The following PEX14 variants were observed in gnomAD, a reference collection of about 807,000 sequenced individuals.
The protein encoded by PEX14 is peroxisomal biogenesis factor 14.
A neutral mutation model predicts 49.5 loss-of-function variants in PEX14; 15 were observed. That is an observed-to-expected ratio of 0.30 (90% CI 0.20 to 0.47). The LOEUF is 0.47. Among genes scored for constraint, PEX14 ranks in the 20% least tolerant of loss-of-function variants. The pLI is 1.00. For missense variants in PEX14, 398 were observed against 494.8 expected, an observed-to-expected ratio of 0.80 and a Z score of 1.86; for synonymous variants, 210 against 212.7, an observed-to-expected ratio of 0.99 and a Z score of 0.11.
intron 1 of PEX14, among the ~76,000 whole-genome samples, chr1:10,492,033 C>G (rs946655245): frequency 5.3e-5 from 8 of 152,114 alleles, no homozygotes; most frequent in Admixed American, 2.6e-4. Context: ...ATATAAGGAA[C>G]CAGCGTCAGT....
rs1418239519 is a variant in PEX14, at chr1:10,529,239, C to T, written c.85-6974C>T. ...CAACCCACAAGCAAGGGTTTCATTT[C>T]TTCCAGGCCGGCGTGTACTCCACAG... On this transcript the variant is annotated intron_variant, in intron 2 of 8. Coordinates refer to ENST00000356607, the MANE Select transcript of PEX14 (RefSeq NM_004565.3). The surrounding 1 kb of genome is among the most constrained non-coding windows in gnomAD (Gnocchi z 4.2). Among the ~76,000 whole-genome samples, 2 of 152,240 alleles carry T rather than the reference C, an allele frequency of 1.3e-5. No individual in the cohort carries two copies. Among genetic ancestry groups the T allele is most frequent in the African/African-American group, 4.8e-5 (2 of 41,466 alleles).
chr1:10,600,786 AT>A (rs1322766921), intron 4 of PEX14, among the ~76,000 whole-genome samples: 1 of 152,106 alleles, frequency 6.6e-6, no homozygotes, highest in Non-Finnish European at 1.5e-5. Flanking sequence ...CTTTTCTATA[AT>A]TGTTATTCTC....
intron 3 of PEX14, among the ~76,000 whole-genome samples, chr1:10,581,584 G>A (rs1323046543): frequency 3.3e-5 from 5 of 151,742 alleles, no homozygotes; most frequent in Non-Finnish European, 5.9e-5. Context: ...GATTACAGGC[G>A]TGAGCCACCG....
At chr1:10,579,283 C>T (rs755105651) in intron 3 of PEX14, among the ~76,000 whole-genome samples, 1 of 151,970 alleles carries the variant, frequency 6.6e-6, no homozygotes. Flanking sequence ...CTAGAATTCT[C>T]TGTACAGTGA....
intron 3 of PEX14, among the ~76,000 whole-genome samples, chr1:10,563,368 G>C (rs565511008): frequency 7.3e-5 from 11 of 151,600 alleles, no homozygotes; most frequent in Non-Finnish European, 1.6e-4. Context: ...GGGAGGCCGA[G>C]GCAGGCGGAT....
At position 10,629,464 on chromosome 1, in the gene PEX14, G is replaced by T. The variant is rs909195067; in HGVS notation, c.678-67G>T. The T allele has an allele frequency of 5.4e-6, 6 of 1,103,704 alleles. No individual in the cohort carries two copies. The highest frequency in any genetic ancestry group is 8.2e-6 in the Non-Finnish European group (6 of 727,430). The allele number at this position is 1,103,704 out of a possible 1,614,324, so 68.4% of individuals were successfully genotyped here. ...GCCGAGCCCTTGCGGGTCAGGGAAG[G>T]CGTGGCCCTTCGAAGGGGGGCGTCC... On this transcript the variant is annotated intron_variant, in intron 8 of 8. Coordinates refer to ENST00000356607, the MANE Select transcript of PEX14 (RefSeq NM_004565.3). This position sits in a 1 kb window ranked among gnomAD's most constrained non-coding sequence, Gnocchi z 8.5.
chr1:10,496,885 T>G (rs897081422), intron 2 of PEX14, among the ~76,000 whole-genome samples: 2 of 152,010 alleles, frequency 1.3e-5, no homozygotes, highest in Middle Eastern at 3.4e-3. Context: ...TACCTTATAT[T>G]TAATTAATAT....
At chr1:10,483,622 G>GT (rs1181130218) in intron 1 of PEX14, among the ~76,000 whole-genome samples, 6 of 151,232 alleles carry the variant, frequency 4.0e-5, no homozygotes, top group Admixed American at 1.3e-4. Context: ...GCCTGGCCAA[G>GT]TTTTTTTTTA....
intron 2 of PEX14, among the ~76,000 whole-genome samples, chr1:10,499,940 A>T (rs1641641319): frequency 6.6e-6 from 1 of 152,114 alleles, no homozygotes; most frequent in African/African-American, 2.4e-5. Context: ...GCTCAGATGG[A>T]ACCTTGTCCA....
At chr1:10,573,718 G>A (rs1203393233) in intron 3 of PEX14, among the ~76,000 whole-genome samples, 1 of 152,154 alleles carries the variant, frequency 6.6e-6, no homozygotes, top group Non-Finnish European at 1.5e-5. Context: ...TTATGACCTA[G>A]CAATTCCATT....
At chr1:10,620,179 G>A (rs1220662514) in intron 5 of PEX14, among the ~76,000 whole-genome samples, 2 of 152,112 alleles carry the variant, frequency 1.3e-5, no homozygotes, top group African/African-American at 4.8e-5. Flanking sequence ...CCCAGGTGCC[G>A]TGGCTCACAC....
intron 3 of PEX14, among the ~76,000 whole-genome samples, chr1:10,595,794 T>TGA (rs1255865557): frequency 1.4e-4 from 21 of 152,198 alleles, no homozygotes; most frequent in African/African-American, 4.3e-4. Context: ...CTAATTTGCA[T>TGA]GAGATTATTT....
intron 2 of PEX14, among the ~76,000 whole-genome samples, chr1:10,532,113 A>G (rs796646131): frequency 1.8e-4 from 27 of 152,254 alleles, no homozygotes; most frequent in African/African-American, 5.3e-4. Flanking sequence ...CTCAAATACA[A>G]ATCTCTCTCA....
In PEX14 at chr1:10,618,968, A is replaced by C. The variant is rs959745683; in HGVS notation, c.384+551A>C. On this transcript the variant is annotated intron_variant, in intron 5 of 8. Transcript: ENST00000356607. Reference sequence around the variant, plus strand: ...CCCGGCACATGGAAGTGCTTTATACACCATTGTTCTGCCACAGCATTTAAG... The same window carrying C: ...CCCGGCACATGGAAGTGCTTTATACCCCATTGTTCTGCCACAGCATTTAAG... 2.6e-5 allele frequency among the ~76,000 whole-genome samples: 4 copies of C among 152,274 alleles called. No homozygotes were observed. The East Asian group carries it at 7.7e-4, about 29-fold the overall frequency.
intron 1 of PEX14, among the ~76,000 whole-genome samples, chr1:10,478,268 AT>A (rs1391128949): frequency 6.6e-6 from 1 of 152,174 alleles, no homozygotes; most frequent in African/African-American, 2.4e-5. Flanking sequence ...ATTCAATTTA[AT>A]AAGCTCTGAG....
At chr1:10,476,060 A>G (rs560566985) in intron 1 of PEX14, among the ~76,000 whole-genome samples, 7 of 152,258 alleles carry the variant, frequency 4.6e-5, no homozygotes, top group Admixed American at 2.0e-4. Flanking sequence ...AAATAGTTTC[A>G]ACTTGGGGCC....
intron 5 of PEX14, among the ~76,000 whole-genome samples, chr1:10,620,731 T>C (rs1289227073): frequency 6.6e-6 from 1 of 152,168 alleles, no homozygotes; most frequent in Non-Finnish European, 1.5e-5. Flanking sequence ...TAGGTTGCAG[T>C]GAGCCTGCAG....
At position 10,599,455 on chromosome 1, in the gene PEX14, C is replaced by G. The variant is rs1217236388; in HGVS notation, c.298+89C>G. ...AGTGTTCTGTATCTCCCAGACTTAG[C>G]AAACCAGGAGAAACTGGGAGCAGCA... is the stretch of plus-strand genomic sequence containing the variant. On this transcript the variant is annotated intron_variant, in intron 4 of 8. Coordinates refer to ENST00000356607, the MANE Select transcript of PEX14 (RefSeq NM_004565.3). The G allele has an allele frequency of 4.8e-6, 7 of 1,471,612 alleles. No individual in the cohort carries two copies. In the African/African-American group the frequency reaches 8.3e-5, roughly 17 times the overall value. The allele number at this position is 1,471,612 out of a possible 1,614,324, so 91.2% of individuals were successfully genotyped here. A position where few individuals can be genotyped will look rare whatever the true frequency, so the allele number is the denominator to read the frequency against.
At chr1:10,582,491 G>A (rs1640349569) in intron 3 of PEX14, among the ~76,000 whole-genome samples, 1 of 152,144 alleles carries the variant, frequency 6.6e-6, no homozygotes, top group East Asian at 1.9e-4. Flanking sequence ...AGTAATTGCT[G>A]TAGAAAAGTA....
Sources: gnomAD v4.1 joint callset for allele counts (sites outside exome capture counted in the v4.1 genomes callset) on GRCh38, gnomAD v4.1.1 for gene constraint, Gnocchi (gnomAD v3.1) non-coding constraint, MANE v1.5 for transcripts, NCBI Gene and HGNC (gene_info 2026-07-23, HGNC 2026-07-21) for gene names.